RASEF: variants seen among roughly 807,000 people sequenced by gnomAD.
RASEF encodes ras and EF-hand domain-containing protein.
In RASEF, 68 loss-of-function variants were observed where a neutral mutation model predicts 90.1. The ratio of observed to expected loss-of-function variants is 0.75; its 90% CI spans 0.62 to 0.92. The LOEUF (loss-of-function observed/expected upper bound fraction) is 0.92. Among genes scored for constraint, RASEF ranks in the 40% least tolerant of loss-of-function variants. The pLI is 0.00. For synonymous variants in RASEF, 331 were observed against 345.2 expected (o/e 0.96, Z 0.46); for missense variants, 949 against 937.2 (o/e 1.01, Z -0.16).
intron 14 of RASEF, among the ~76,000 whole-genome samples, chr9:82,996,231 A>G (rs1828916406): frequency 6.6e-6 from 1 of 152,238 alleles, no homozygotes. Context: ...GCCTTCTTAA[A>G]TTACAGGTAA....
At chr9:83,004,692 C>T (rs1444225893) in intron 8 of RASEF, 106 bp from the exon 9 acceptor site, 4 of 669,668 alleles carry the variant, frequency 6.0e-6, no homozygotes, top group Admixed American at 2.3e-5. Flanking sequence ...TAGCACACTA[C>T]TCAAACTTCT....
the RASEF span, among the ~76,000 whole-genome samples, chr9:83,154,384 C>CT: frequency 6.6e-6 from 1 of 152,200 alleles, no homozygotes; most frequent in African/African-American, 2.4e-5. Flanking sequence ...TTCTAGAACC[C>CT]TTTCTTCCCA....
intron 1 of RASEF, among the ~76,000 whole-genome samples, chr9:83,032,293 C>A (rs991240757): frequency 1.3e-5 from 2 of 152,164 alleles, no homozygotes; most frequent in African/African-American, 2.4e-5. Flanking sequence ...CAAGTGAGTG[C>A]TGAGAAGGGT....
intron 16 of RASEF, among the ~76,000 whole-genome samples, chr9:82,985,990 T>A (rs1828703302): frequency 6.6e-6 from 1 of 152,142 alleles, no homozygotes. Context: ...TCTATGCTTA[T>A]GGAATTTTAA....
the RASEF span, among the ~76,000 whole-genome samples, chr9:83,160,231 C>T: frequency 6.6e-6 from 1 of 152,014 alleles, no homozygotes; most frequent in Non-Finnish European, 1.5e-5. Context: ...GCTCAGAAGA[C>T]AGAAAAATGG....
chr9:83,083,473 T>C, the RASEF span, among the ~76,000 whole-genome samples: 2 of 152,080 alleles, frequency 1.3e-5, no homozygotes, highest in Non-Finnish European at 2.9e-5. Flanking sequence ...CTTGAACAAA[T>C]ATCTACAAAA....
Position 83,062,836 on chromosome 9 carries a change from G to A in RASEF, c.32C>T (p.Ala11Val), listed in dbSNP as rs781167443. The A allele has an allele frequency of 1.9e-5, 29 of 1,545,138 alleles. No homozygotes were observed. The South Asian group carries it at 3.3e-4, about 18-fold the overall frequency. ...GGCGGCGAAGACTGAGCGCAGCCGGGCCAGCTCCTCTCCGTCCCCATCCGC... is the reference window on the plus strand; with the variant it reads ...GGCGGCGAAGACTGAGCGCAGCCGGACCAGCTCCTCTCCGTCCCCATCCGC... MEADGDGEEL[A>V]RLRSVFAACD... The change falls in exon 1 of 17, where the codon GCC becomes GTC. Residue 11 changes from alanine to valine, a missense_variant. Around this residue, in one of 3 missense-constraint regions of RASEF, gnomAD observed 656 missense variants for 592.2 expected, o/e 1.11. Transcript: ENST00000376447.
At chr9:83,066,892 C>T (rs1193228174), upstream of RASEF, among the ~76,000 whole-genome samples, 5 of 152,096 alleles carry the variant, frequency 3.3e-5, no homozygotes, top group Admixed American at 6.5e-5. Flanking sequence ...TTTCAATTTC[C>T]GTGAGCTTTC....
At chr9:83,200,427 A>G in the RASEF span, among the ~76,000 whole-genome samples, 3 of 152,104 alleles carry the variant, frequency 2.0e-5, no homozygotes, top group Non-Finnish European at 2.9e-5. Context: ...AAAAAGATGC[A>G]CAAACAAATA....
intron 1 of RASEF, among the ~76,000 whole-genome samples, chr9:83,033,903 G>C (rs1236459509): frequency 6.6e-6 from 1 of 152,008 alleles, no homozygotes; most frequent in Non-Finnish European, 1.5e-5. Flanking sequence ...TACTTCGTTC[G>C]ATGCCCTGAA....
chr9:83,023,907 G>T (rs148934870), intron 2 of RASEF, among the ~76,000 whole-genome samples: 192 of 152,238 alleles, frequency 1.3e-3, no homozygotes, highest in African/African-American at 4.5e-3. Context: ...TTCTTCTTTT[G>T]TAAATCAGGG....
intron 1 of RASEF, among the ~76,000 whole-genome samples, chr9:83,031,808 T>C (rs1159879287): frequency 6.6e-6 from 1 of 152,206 alleles, no homozygotes; most frequent in Non-Finnish European, 1.5e-5. Context: ...TTTAGTTTAC[T>C]TAAAGCTATC....
the RASEF span, among the ~76,000 whole-genome samples, chr9:83,148,076 G>T: frequency 6.6e-6 from 1 of 151,934 alleles, no homozygotes; most frequent in Non-Finnish European, 1.5e-5. Flanking sequence ...AGGAATGCCC[G>T]TTCCCATCTA....
intron 1 of RASEF, among the ~76,000 whole-genome samples, chr9:83,033,587 G>A (rs1829685156): frequency 6.6e-6 from 1 of 152,188 alleles, no homozygotes; most frequent in Admixed American, 6.5e-5. Context: ...GGGTCGGCGG[G>A]GATGTCCCGA....
the RASEF span, among the ~76,000 whole-genome samples, chr9:83,069,964 T>C: frequency 6.6e-6 from 1 of 152,244 alleles, no homozygotes; most frequent in Non-Finnish European, 1.5e-5. Flanking sequence ...TTTTATGAAA[T>C]GTCTGTTCAA....
the RASEF span, among the ~76,000 whole-genome samples, chr9:83,087,393 T>C: frequency 1.0e-5 from 1 of 100,476 alleles, no homozygotes; most frequent in Non-Finnish European, 2.3e-5. Context: ...CTCATACAAA[T>C]GTTCTCATTC....
intron 12 of RASEF, among the ~76,000 whole-genome samples, 178 bp from the exon 13 acceptor site, chr9:82,998,624 G>A (rs577325571): frequency 1.3e-5 from 2 of 152,194 alleles, no homozygotes; most frequent in Non-Finnish European, 2.9e-5. Context: ...CAGACCACAC[G>A]TGTGTGCAGA....
the RASEF span, among the ~76,000 whole-genome samples, chr9:83,121,347 A>T: frequency 2.3e-4 from 35 of 152,152 alleles, no homozygotes; most frequent in Non-Finnish European, 3.7e-4. Flanking sequence ...CACAGATATC[A>T]ATATGAAAGG....
chr9:83,147,726 C>A, the RASEF span, among the ~76,000 whole-genome samples: 3 of 152,060 alleles, frequency 2.0e-5, no homozygotes, highest in Non-Finnish European at 4.4e-5. Flanking sequence ...TGTCTGGCAT[C>A]CAGGAAGAAT....
Sources: gnomAD v4.1 joint callset for allele counts (sites outside exome capture counted in the v4.1 genomes callset) on GRCh38, gnomAD v4.1.1 for gene constraint, gnomAD v4.1.1 regional missense constraint, MANE v1.5 for transcripts, NCBI Gene and HGNC (gene_info 2026-07-23, HGNC 2026-07-21) for gene names.